EIF4G3: variants seen among roughly 807,000 people sequenced by gnomAD.
EIF4G3 encodes eukaryotic translation initiation factor 4 gamma 3, also known as eIF-4-gamma 3.
Under a neutral mutation model 186.4 loss-of-function variants are expected in EIF4G3, and 34 were observed. That is an observed-to-expected ratio of 0.18 (90% CI 0.14 to 0.24). EIF4G3 has a LOEUF of 0.24. EIF4G3 is among the 10% of genes least tolerant of loss of function. The probability of loss-of-function intolerance (pLI) is 1.00; values close to 1 mark genes in which losing one functional copy is unlikely to be tolerated. For missense variants in EIF4G3, 1,536 were observed against 1,948.5 expected (o/e 0.79, Z 3.99); for synonymous variants, 673 against 679.5 (o/e 0.99, Z 0.15).
chr1:20,861,366 C>G (rs1250281985), intron 23 of EIF4G3, among the ~76,000 whole-genome samples: 1 of 151,474 alleles, frequency 6.6e-6, no homozygotes, highest in African/African-American at 2.4e-5. Context: ...AAAACTGCAC[C>G]CGGTAAGAGA....
intron 11 of EIF4G3, among the ~76,000 whole-genome samples, 184 bp downstream of exon 11, chr1:20,972,818 G>A (rs572648467): frequency 6.6e-6 from 1 of 151,688 alleles, no homozygotes; most frequent in South Asian, 2.1e-4. Context: ...CAAATGGTAT[G>A]AACAACTTCT....
intron 3 of EIF4G3, among the ~76,000 whole-genome samples, chr1:21,061,061 T>C (rs1036700451): frequency 9.2e-5 from 14 of 152,182 alleles, no homozygotes; most frequent in Admixed American, 9.2e-4. Context: ...AATACTTAAA[T>C]AAATTATATA....
At chr1:20,881,127 C>A (rs933715026) in intron 19 of EIF4G3, among the ~76,000 whole-genome samples, 2 of 152,136 alleles carry the variant, frequency 1.3e-5, no homozygotes, top group Non-Finnish European at 2.9e-5. Context: ...AGAGGACAGA[C>A]ACATAGCTAG....
intron 30 of EIF4G3, among the ~76,000 whole-genome samples, chr1:20,835,012 A>G (rs534689566): frequency 6.6e-6 from 1 of 152,370 alleles, no homozygotes; most frequent in African/African-American, 2.4e-5. Context: ...GAGGACTGAA[A>G]TCATATCAAG....
In EIF4G3 at chr1:20,850,657, G is replaced by A. The variant is rs572945553; in HGVS notation, c.3772+601C>T. 4.6e-5 allele frequency among the ~76,000 whole-genome samples: 7 copies of A among 152,188 alleles called. No individual in the cohort carries two copies. The South Asian group carries it at 6.2e-4, about 14-fold the overall frequency. ...ATCACGTAATGTTCTAAGTGTTTAC[G>A]TGTATTAACTTCTTATTTAATTTTC... On this transcript the variant is annotated intron_variant, in intron 28 of 36. Coordinates refer to ENST00000602326, the MANE Select transcript of EIF4G3 (RefSeq NM_001391906.1).
chr1:20,904,854 C>T, intron 15 of EIF4G3, 29 bp downstream of exon 15: 1 of 1,577,214 alleles, frequency 6.3e-7, no homozygotes, highest in South Asian at 1.1e-5. Flanking sequence ...CACCACTGCT[C>T]TGAATATGAA....
At chr1:20,926,684 A>AG (rs1354435249) in intron 14 of EIF4G3, among the ~76,000 whole-genome samples, 17 of 151,712 alleles carry the variant, frequency 1.1e-4, no homozygotes, top group Non-Finnish European at 2.5e-4. Context: ...AGAAAAGAAA[A>AG]AAAAAAAAAA....
At chr1:20,940,126 G>A (rs571355709) in intron 14 of EIF4G3, among the ~76,000 whole-genome samples, 1 of 152,002 alleles carries the variant, frequency 6.6e-6, no homozygotes, top group Non-Finnish European at 1.5e-5. Context: ...AAAGTGCAGG[G>A]ATTACAGGCA....
At chr1:21,130,187 C>T (rs1157056198) in intron 2 of EIF4G3, among the ~76,000 whole-genome samples, 1 of 148,108 alleles carries the variant, frequency 6.8e-6, no homozygotes, top group Non-Finnish European at 1.5e-5. Context: ...AGTTGAAGAC[C>T]AGACTGGGCA....
At chr1:20,971,569 T>A (rs569279741) in intron 11 of EIF4G3, among the ~76,000 whole-genome samples, 2 of 152,246 alleles carry the variant, frequency 1.3e-5, no homozygotes, top group Non-Finnish European at 2.9e-5. Context: ...TTCATTATGA[T>A]ATATGCACAA....
At chr1:20,892,752 A>G in intron 18 of EIF4G3, 5 of 1,459,198 alleles carry the variant, frequency 3.4e-6, no homozygotes, top group Non-Finnish European at 3.7e-6. Context: ...AGACAAAGAC[A>G]TGATCATTAG....
chr1:20,974,489 C>A lies in EIF4G3; in HGVS notation c.494-1390G>T, dbSNP rs180968039. Reference sequence around the variant, plus strand: ...TAAGATTTTTCAAAGTACAAATCACCAGTGACCTTGACAAAAGTTGTTTGG... The same window carrying A: ...TAAGATTTTTCAAAGTACAAATCACAAGTGACCTTGACAAAAGTTGTTTGG... On this transcript the variant is annotated intron_variant, in intron 10 of 36. Coordinates refer to ENST00000602326, the MANE Select transcript of EIF4G3 (RefSeq NM_001391906.1). 2.1e-4 allele frequency among the ~76,000 whole-genome samples: 32 copies of A among 152,248 alleles called. No individual in the cohort carries two copies. In the South Asian group the frequency reaches 4.6e-3, roughly 22 times the overall value.
intron 7 of EIF4G3, among the ~76,000 whole-genome samples, chr1:20,993,580 A>G (rs2081592526): frequency 6.6e-6 from 1 of 152,218 alleles, no homozygotes. Flanking sequence ...GACTTTAGAA[A>G]CAACAATCAT....
chr1:21,151,515 G>A (rs1471886723), intron 2 of EIF4G3, among the ~76,000 whole-genome samples: 2 of 151,976 alleles, frequency 1.3e-5, no homozygotes, highest in Non-Finnish European at 2.9e-5. Context: ...TGGGATTACA[G>A]GCGTGAGCCA....
At chr1:21,087,391 G>C (rs544480293) in intron 3 of EIF4G3, among the ~76,000 whole-genome samples, 4 of 152,340 alleles carry the variant, frequency 2.6e-5, no homozygotes, top group African/African-American at 9.6e-5. Context: ...CGTAGGCCAA[G>C]GTGGGTGGAT....
intron 2 of EIF4G3, among the ~76,000 whole-genome samples, chr1:21,168,449 G>A (rs779926382): frequency 1.3e-5 from 2 of 151,934 alleles, no homozygotes; most frequent in South Asian, 4.2e-4. Context: ...TTGGGGGACA[G>A]TCTTGCCCTT....
At chr1:21,037,452 C>G (rs1209242287) in intron 4 of EIF4G3, among the ~76,000 whole-genome samples, 2 of 152,072 alleles carry the variant, frequency 1.3e-5, no homozygotes, top group African/African-American at 2.4e-5. Context: ...CTAGGCGTAT[C>G]TGATTGTATG....
At chr1:21,033,757 G>A (rs553973785) in intron 4 of EIF4G3, among the ~76,000 whole-genome samples, 6 of 152,196 alleles carry the variant, frequency 3.9e-5, no homozygotes, top group Admixed American at 2.6e-4. Context: ...AGAGAACATC[G>A]GGAATACTGT....
At chr1:20,939,201 A>C (rs2095623133) in intron 14 of EIF4G3, among the ~76,000 whole-genome samples, 1 of 152,118 alleles carries the variant, frequency 6.6e-6, no homozygotes, top group Non-Finnish European at 1.5e-5. Context: ...AAGATGTACA[A>C]GGAAATTATA....
Sources: gnomAD v4.1 joint callset for allele counts (sites outside exome capture counted in the v4.1 genomes callset) on GRCh38, gnomAD v4.1.1 for gene constraint, MANE v1.5 for transcripts, NCBI Gene and HGNC (gene_info 2026-07-23, HGNC 2026-07-21) for gene names.